COL28A1: variants seen among roughly 807,000 people sequenced by gnomAD.
The protein encoded by COL28A1 is collagen type XXVIII alpha 1 chain, also known as collagen alpha-1(XXVIII) chain.
A neutral mutation model predicts 150.2 loss-of-function variants in COL28A1; 161 were observed. That is an observed-to-expected ratio of 1.07 (90% CI 0.94 to 1.22). The LOEUF is 1.22. Among genes scored for constraint, COL28A1 ranks in the 50% most tolerant of loss-of-function variants. The pLI, the probability that COL28A1 is intolerant of heterozygous loss-of-function variation, is 0.00. For synonymous variants in COL28A1, 552 were observed against 469.7 expected, an observed-to-expected ratio of 1.18 and a Z score of -2.26; for missense variants, 1,617 against 1,388.3, an observed-to-expected ratio of 1.16 and a Z score of -2.62.
At chr7:7,453,306 A>G in intron 17 of COL28A1, 134 bp downstream of exon 17, 1 of 673,976 alleles carries the variant, frequency 1.5e-6, no homozygotes. Context: ...GAATATCAGT[A>G]ACATTTTGCA....
chr7:7,384,248 G>A (rs1464074965), intron 27 of COL28A1, among the ~76,000 whole-genome samples: 1 of 152,180 alleles, frequency 6.6e-6, no homozygotes, highest in East Asian at 1.9e-4. Context: ...AAATGGGTAT[G>A]CAGTGTTGCA....
intron 4 of COL28A1, 29 bp downstream of exon 4, chr7:7,524,200 T>A (rs781322984): frequency 4.6e-6 from 5 of 1,087,334 alleles, no homozygotes; most frequent in East Asian, 4.7e-5. Context: ...TTGGAGTAAT[T>A]CGTAGTAATC....
the COL28A1 span, among the ~76,000 whole-genome samples, chr7:7,542,087 C>T: frequency 3.3e-5 from 5 of 152,176 alleles, no homozygotes; most frequent in Non-Finnish European, 5.9e-5. Context: ...CGGTGGCTCA[C>T]GCCTGTAATC....
chr7:7,521,679 CA>C (rs1178463012), intron 5 of COL28A1, among the ~76,000 whole-genome samples: 1 of 152,236 alleles, frequency 6.6e-6, no homozygotes, highest in Non-Finnish European at 1.5e-5. Flanking sequence ...GGAACAACTT[CA>C]AAACACACCT....
At chr7:7,480,678 C>T (rs1789316548) in intron 13 of COL28A1, among the ~76,000 whole-genome samples, 1 of 152,064 alleles carries the variant, frequency 6.6e-6, no homozygotes, top group Non-Finnish European at 1.5e-5. Flanking sequence ...CAACTTTTTT[C>T]ATTCATCCAA....
Position 7,429,853 on chromosome 7 carries a change from G to GCCGCTTCCACTCAGCCTT in COL28A1, c.1998+2602_1998+2619dup, listed in dbSNP as rs543114916. Among the ~76,000 whole-genome samples, 19 of 152,270 alleles carry GCCGCTTCCACTCAGCCTT rather than the reference G, an allele frequency of 1.2e-4. No individual in the cohort carries two copies. The South Asian group carries it at 3.7e-3, about 30-fold the overall frequency. The stretch of plus-strand genomic sequence containing the variant: ...TGCAGCTGGAAGCAAACCATGGACT[G>GCCGCTTCCACTCAGCCTT]CCGCTTCCACTCAGCCTTCCGCGTG... On this transcript the variant is annotated intron_variant, in intron 25 of 34. Transcript: ENST00000399429.
intron 13 of COL28A1, among the ~76,000 whole-genome samples, chr7:7,487,728 T>C (rs1362689738): frequency 1.3e-5 from 2 of 152,234 alleles, no homozygotes; most frequent in Non-Finnish European, 2.9e-5. Flanking sequence ...TTCTTTGATA[T>C]TCTTCATAAG....
chr7:7,413,616 G>A (rs1463270824), intron 27 of COL28A1, among the ~76,000 whole-genome samples: 1 of 152,136 alleles, frequency 6.6e-6, no homozygotes, highest in Non-Finnish European at 1.5e-5. Flanking sequence ...GGGTTTAAGT[G>A]GTAAAGAGGC....
intron 15 of COL28A1, among the ~76,000 whole-genome samples, chr7:7,471,164 AGC>A (rs1314296746): frequency 6.6e-6 from 1 of 150,402 alleles, no homozygotes; most frequent in African/African-American, 2.4e-5. Flanking sequence ...CAACCTTCCT[AGC>A]TTAAATCAGG....
chr7:7,515,965 A>T (rs1209843783), intron 7 of COL28A1, 125 bp from the exon 8 acceptor site: 1 of 600,920 alleles, frequency 1.7e-6, no homozygotes, highest in Non-Finnish European at 3.0e-6. Flanking sequence ...AAATTAGATC[A>T]TAGAAATGTA....
At chr7:7,357,777 G>A (rs570680921), downstream of COL28A1, 19 of 151,594 alleles carry the variant, frequency 1.3e-4, no homozygotes, top group African/African-American at 4.1e-4. Flanking sequence ...TCAATTCTCC[G>A]TTACTCTCCA....
chr7:7,375,562 A>T lies in COL28A1; in HGVS notation c.2323-65T>A, dbSNP rs560322366. 45 of 1,060,726 alleles carry T rather than the reference A, an allele frequency of 4.2e-5. No individual in the cohort carries two copies. In the East Asian group the frequency reaches 1.2e-3, roughly 28 times the overall value. The allele number at this position is 1,060,726 out of a possible 1,614,324, so 65.7% of individuals were successfully genotyped here. A position where few individuals can be genotyped will look rare whatever the true frequency, so the allele number is the denominator to read the frequency against. ...CTATAATATTTTTCCTAGAGCCATA[A>T]AAGATATCTCATTACAATCAGCACT... On this transcript the variant is annotated intron_variant, in intron 30 of 34. Transcript: ENST00000399429.
intron 33 of COL28A1, among the ~76,000 whole-genome samples, chr7:7,360,947 C>G (rs1780621679): frequency 6.6e-6 from 1 of 152,188 alleles, no homozygotes; most frequent in African/African-American, 2.4e-5. Flanking sequence ...TCTCCATTTC[C>G]TAACACTAGA....
intron 18 of COL28A1, among the ~76,000 whole-genome samples, chr7:7,444,970 G>C (rs1028939657): frequency 1.3e-5 from 2 of 152,020 alleles, no homozygotes; most frequent in Non-Finnish European, 2.9e-5. Flanking sequence ...ATGATATCTG[G>C]TTGTTTAAAA....
Position 7,515,566 on chromosome 7 carries a change from A to T in COL28A1, c.882+248T>A, listed in dbSNP as rs917960836. On this transcript the variant is annotated intron_variant, in intron 8 of 34. Coordinates refer to ENST00000399429, the MANE Select transcript of COL28A1 (RefSeq NM_001037763.3). ...CATGGCTTATAAATTGGGGTTCTCT[A>T]TTAAAATAATTCATGTTTGCAAAGC... 9.2e-5 allele frequency among the ~76,000 whole-genome samples: 14 copies of T among 152,300 alleles called. No homozygotes were observed. The East Asian group carries it at 2.7e-3, about 29-fold the overall frequency.
At chr7:7,374,038 A>AAAAAAAAAAAAAAAATATATATAT in intron 31 of COL28A1, among the ~76,000 whole-genome samples, 7 of 113,656 alleles carry the variant, frequency 6.2e-5, no homozygotes, top group African/African-American at 2.3e-4. Flanking sequence ...AAAAAAAAAA[A>AAAAAAAAAAAAAAAATATATATAT]ATATATATAT....
At chr7:7,384,478 GAT>G (rs554989328) in intron 27 of COL28A1, among the ~76,000 whole-genome samples, 29 of 152,316 alleles carry the variant, frequency 1.9e-4, no homozygotes, top group Admixed American at 5.2e-4. Context: ...AGTACAGTAA[GAT>G]ATTTTGAGAG....
chr7:7,506,162 A>T, intron 10 of COL28A1, 95 bp from the exon 11 acceptor site: 1 of 765,324 alleles, frequency 1.3e-6, no homozygotes, highest in Non-Finnish European at 2.4e-6. Context: ...TGGCGATCGA[A>T]GTTAGACTGT....
chr7:7,512,324 G>A (rs759011950), intron 8 of COL28A1, among the ~76,000 whole-genome samples: 2 of 152,076 alleles, frequency 1.3e-5, no homozygotes, highest in African/African-American at 4.8e-5. Context: ...ACAATGTCTT[G>A]TATTGAAAAT....
Sources: gnomAD v4.1 joint callset for allele counts (sites outside exome capture counted in the v4.1 genomes callset) on GRCh38, gnomAD v4.1.1 for gene constraint, MANE v1.5 for transcripts, NCBI Gene and HGNC (gene_info 2026-07-23, HGNC 2026-07-21) for gene names.